JAM2: variants seen among roughly 807,000 people sequenced by gnomAD.
JAM2 encodes junctional adhesion molecule B.
In JAM2, 17 loss-of-function variants were observed where a neutral mutation model predicts 42.0. The observed-to-expected ratio is 0.40, with a 90% CI of 0.28 to 0.61. The LOEUF (loss-of-function observed/expected upper bound fraction) is 0.61, where lower values mean the gene tolerates loss of function less well. JAM2 is among the 20% of genes least tolerant of loss of function. JAM2 has a pLI of 0.37. For missense variants in JAM2, 319 were observed against 358.3 expected (o/e 0.89, Z 0.89); for synonymous variants, 118 against 128.6 (o/e 0.92, Z 0.56).
chr21:25,646,383 A>G (rs527265847), intron 1 of JAM2, among the ~76,000 whole-genome samples: 2 of 152,246 alleles, frequency 1.3e-5, no homozygotes, highest in South Asian at 2.1e-4. Flanking sequence ...TTTGGTTACT[A>G]TGTATACCTT....
At chr21:25,671,986 C>T (rs1183718622) in intron 1 of JAM2, among the ~76,000 whole-genome samples, 1 of 152,192 alleles carries the variant, frequency 6.6e-6, no homozygotes, top group Non-Finnish European at 1.5e-5. Flanking sequence ...AGTAAAACTA[C>T]AAAGATATAA....
intron 1 of JAM2, among the ~76,000 whole-genome samples, chr21:25,664,175 C>T (rs986831019): frequency 6.6e-6 from 1 of 152,164 alleles, no homozygotes; most frequent in Non-Finnish European, 1.5e-5. Flanking sequence ...ATCATTGTAT[C>T]GCCAATAATT....
In JAM2 at chr21:25,639,728, T is replaced by C; in HGVS notation, c.-94T>C. On this transcript the variant is annotated 5_prime_UTR_variant, in exon 1 of 10. Coordinates refer to ENST00000480456, the MANE Select transcript of JAM2 (RefSeq NM_021219.4). ...CTCCCCTCCCGACTCTCTGCTCCTT[T>C]CCCGCCCCAGAAGTTCAAGGGCCCC... 2.7e-6 allele frequency: 2 copies of C among 754,696 alleles called. No individual in the cohort carries two copies. The highest frequency in any genetic ancestry group is 2.2e-6 in the Non-Finnish European group (1 of 464,032). The allele number at this position is 754,696 out of a possible 1,614,324, so 46.7% of individuals were successfully genotyped here.
rs1434343050 is a variant in JAM2, at chr21:25,651,845, G to A, written c.67+11957G>A. On this transcript the variant is annotated intron_variant, in intron 1 of 9. Transcript: ENST00000480456. ...TACTGTCATCTCCAAAATATAGTAA[G>A]TGAAAAAAGTAAGATGCAGAACAAT... Among the ~76,000 whole-genome samples, 8 of 152,256 alleles carry A rather than the reference G, an allele frequency of 5.3e-5. No individual in the cohort carries two copies. The South Asian group carries it at 1.5e-3, about 28-fold the overall frequency.
Position 25,713,911 on chromosome 21 carries a change from T to A in JAM2, c.865-729T>A, listed in dbSNP as rs1368568526. Reference sequence around the variant, plus strand: ...TTCTTTGCCTTCCTCTCAGTTGCCCTTATCAACTAACAGCTAGAGTCCCCT... The same window carrying A: ...TTCTTTGCCTTCCTCTCAGTTGCCCATATCAACTAACAGCTAGAGTCCCCT... On this transcript the variant is annotated intron_variant, in intron 9 of 9. Transcript: ENST00000480456. Among the ~76,000 whole-genome samples the A allele has an allele frequency of 2.6e-5, 4 of 152,248 alleles. No homozygotes were observed. The East Asian group carries it at 7.7e-4, about 29-fold the overall frequency.
At chr21:25,688,817 A>AAAGGATTTT (rs1279755785) in intron 2 of JAM2, among the ~76,000 whole-genome samples, 6 of 152,338 alleles carry the variant, frequency 3.9e-5, no homozygotes, top group African/African-American at 1.4e-4. Context: ...AAAGGTATGA[A>AAAGGATTTT]AAGGATTTTA....
intron 2 of JAM2, among the ~76,000 whole-genome samples, chr21:25,688,909 G>C (rs1185730107): frequency 6.6e-6 from 1 of 152,020 alleles, no homozygotes; most frequent in Admixed American, 6.6e-5. Flanking sequence ...CAGAAACATG[G>C]AATTGACATT....
chr21:25,673,015 A>G (rs1483103346), intron 1 of JAM2, among the ~76,000 whole-genome samples: 6 of 152,162 alleles, frequency 3.9e-5, no homozygotes, highest in African/African-American at 1.4e-4. Context: ...CGTCTATCTA[A>G]AATCTATAGT....
intron 1 of JAM2, among the ~76,000 whole-genome samples, chr21:25,668,222 C>T (rs1313339066): frequency 6.6e-6 from 1 of 152,182 alleles, no homozygotes; most frequent in Non-Finnish European, 1.5e-5. Context: ...AATGAAAGAA[C>T]TTCCCCTTCT....
At chr21:25,677,866 A>G (rs1270761884) in intron 1 of JAM2, among the ~76,000 whole-genome samples, 1 of 152,222 alleles carries the variant, frequency 6.6e-6, no homozygotes, top group Admixed American at 6.5e-5. Flanking sequence ...AAAGGAGACA[A>G]ACAGACTTTT....
intron 5 of JAM2, among the ~76,000 whole-genome samples, chr21:25,699,955 G>C (rs951608948): frequency 6.6e-6 from 1 of 151,942 alleles, no homozygotes; most frequent in African/African-American, 2.4e-5. Flanking sequence ...AGTCAATCAT[G>C]GTAGGATTCC....
At chr21:25,642,701 AG>A (rs563611233) in intron 1 of JAM2, among the ~76,000 whole-genome samples, 227 of 152,294 alleles carry the variant, frequency 1.5e-3, no homozygotes, top group African/African-American at 5.2e-3. Context: ...CCACTCCATT[AG>A]GAAAGGAATT....
At chr21:25,700,107 A>T (rs1445335048) in intron 5 of JAM2, among the ~76,000 whole-genome samples, 5 of 152,194 alleles carry the variant, frequency 3.3e-5, no homozygotes, top group African/African-American at 4.8e-5. Context: ...ACTGATGACA[A>T]TCTATAAGCA....
Position 25,709,433 on chromosome 21 carries a change from GA to G in JAM2, c.807del (p.Glu270LysfsTer16). ...AATGATATATACTTTTTCTTTTGTA[GA>G]AGAAACCTCCTTCCAGTAAGTATAC... Reference protein sequence around the residue: ...CYAQRKGYFSKETSFQKSNSS... With the variant: ...CYAQRKGYFSXETSFQKSNSS... On this transcript the variant is annotated frameshift_variant and splice_region_variant, in exon 8 of 10. Transcript: ENST00000480456. LOFTEE classifies it high-confidence loss of function. 1 of 1,425,352 alleles carries G rather than the reference GA, an allele frequency of 7.0e-7. No individual in the cohort carries two copies. The highest frequency in any genetic ancestry group is 9.7e-7 in the Non-Finnish European group (1 of 1,025,746). The allele number at this position is 1,425,352 out of a possible 1,614,324, so 88.3% of individuals were successfully genotyped here.
chr21:25,676,281 C>T (rs1346780854), intron 1 of JAM2, among the ~76,000 whole-genome samples: 1 of 108,946 alleles, frequency 9.2e-6, no homozygotes, highest in African/African-American at 3.6e-5. Flanking sequence ...CAGAGAGACT[C>T]GTCTCAAAAA....
chr21:25,670,962 A>G (rs2033346488), intron 1 of JAM2, among the ~76,000 whole-genome samples: 1 of 152,238 alleles, frequency 6.6e-6, no homozygotes, highest in South Asian at 2.1e-4. Flanking sequence ...TTCTTCTGTA[A>G]GCACTTGTGG....
At chr21:25,698,931 A>C in intron 5 of JAM2, 52 bp downstream of exon 5, 1 of 1,479,056 alleles carries the variant, frequency 6.8e-7, no homozygotes, top group East Asian at 2.3e-5. Context: ...TTGGATAAAA[A>C]AATTATTAGA....
chr21:25,655,177 A>T (rs2032895229), intron 1 of JAM2, among the ~76,000 whole-genome samples: 1 of 152,170 alleles, frequency 6.6e-6, no homozygotes, highest in Admixed American at 6.5e-5. Flanking sequence ...TCAATAAAGT[A>T]AATGTAGTAA....
At chr21:25,658,471 T>A (rs1222752487) in intron 1 of JAM2, among the ~76,000 whole-genome samples, 2 of 152,192 alleles carry the variant, frequency 1.3e-5, no homozygotes, top group East Asian at 3.9e-4. Flanking sequence ...GGGAAAAACA[T>A]GGAGAAGATT....
Sources: gnomAD v4.1 joint callset for allele counts (sites outside exome capture counted in the v4.1 genomes callset) on GRCh38, gnomAD v4.1.1 for gene constraint, MANE v1.5 for transcripts, NCBI Gene and HGNC (gene_info 2026-07-23, HGNC 2026-07-21) for gene names.